Variants in SEMA3A observed in about 807,000 individuals in gnomAD.
SEMA3A encodes the protein semaphorin-3A.
In SEMA3A, 29 loss-of-function variants were observed where a neutral mutation model predicts 97.9. That is an observed-to-expected ratio of 0.30 (90% CI 0.22 to 0.40). The LOEUF is 0.40. SEMA3A is among the 10% of genes least tolerant of loss of function. SEMA3A has a pLI of 1.00. For missense variants in SEMA3A, 763 were observed against 951.3 expected (o/e 0.80, Z 2.60); for synonymous variants, 321 against 323.7 (o/e 0.99, Z 0.09).
Position 83,961,808 on chromosome 7 carries a change from T to A in SEMA3A, c.1879A>T (p.Ile627Phe), listed in dbSNP as rs1427301572. The A allele has an allele frequency of 6.2e-7, 1 of 1,613,380 alleles. No individual in the cohort carries two copies. The highest frequency in any genetic ancestry group is 2.2e-5 in the East Asian group (1 of 44,866). ...RKEEIRVDDHIIRTDQGLLLR... is the reference protein window; with the variant it reads ...RKEEIRVDDHFIRTDQGLLLR... ...AGAAGGCCTTGATCTGTCCTGATGA[T>A]ATGATCATCCACTCTGATCTAGCAG... The change falls in exon 17 of 17, where the codon ATC becomes TTC. Residue 627 changes from isoleucine (I) to phenylalanine (F), a missense_variant. By Grantham distance (21) the Ile-to-Phe change is conservative. Coordinates refer to ENST00000265362, the MANE Select transcript of SEMA3A (RefSeq NM_006080.3).
chr7:84,044,920 T>C (rs1792289582), intron 6 of SEMA3A, among the ~76,000 whole-genome samples: 1 of 152,014 alleles, frequency 6.6e-6, no homozygotes, highest in Non-Finnish European at 1.5e-5. Flanking sequence ...GGGTCAAACG[T>C]GGAGGCAGGG....
At chr7:84,051,436 A>T (rs1386536699) in intron 5 of SEMA3A, among the ~76,000 whole-genome samples, 1 of 152,116 alleles carries the variant, frequency 6.6e-6, no homozygotes, top group Non-Finnish European at 1.5e-5. Context: ...ATCCCTTGTA[A>T]GTTGGATTCC....
chr7:83,995,224 C>T (rs1790162125), intron 12 of SEMA3A, among the ~76,000 whole-genome samples: 1 of 152,138 alleles, frequency 6.6e-6, no homozygotes, highest in South Asian at 2.1e-4. Context: ...TCTGGCACTC[C>T]CTAGTGAGAT....
rs1789969387 is a variant in SEMA3A, at chr7:83,992,044, C to G, written c.1453-6567G>C. ...AGATTCAACTTCTTCCTGGTTTAGT[C>G]TTGGGAGAGTGTATGTGTCGAGGAA... On this transcript the variant is annotated intron_variant, in intron 12 of 16. Transcript: ENST00000265362. Among the ~76,000 whole-genome samples, 3 of 135,914 alleles carry G rather than the reference C, an allele frequency of 2.2e-5. No homozygotes were observed. The South Asian group carries it at 7.7e-4, about 35-fold the overall frequency. 89.2% of individuals were successfully genotyped at this position (135,914 alleles called of 152,430 possible).
chr7:84,258,009 T>C (rs1024189331), intron 3 of SEMA3A, among the ~76,000 whole-genome samples: 2 of 152,172 alleles, frequency 1.3e-5, no homozygotes, highest in African/African-American at 4.8e-5. Context: ...TCATGTGACA[T>C]ATCTAAGACA....
intron 5 of SEMA3A, among the ~76,000 whole-genome samples, chr7:84,057,629 G>T (rs1356025331): frequency 1.3e-5 from 2 of 151,984 alleles, no homozygotes; most frequent in Non-Finnish European, 2.9e-5. Context: ...GCCAGGCCTG[G>T]TGGCACATGC....
chr7:84,230,763 T>C (rs1584148552), intron 3 of SEMA3A, among the ~76,000 whole-genome samples: 1 of 152,034 alleles, frequency 6.6e-6, no homozygotes. Context: ...TACACAGTTA[T>C]CTAATTTAAA....
At chr7:84,105,168 A>C (rs183446955) in intron 4 of SEMA3A, among the ~76,000 whole-genome samples, 2,114 of 152,292 alleles carry the variant, frequency 0.014, 17 homozygotes, top group Non-Finnish European at 0.021. Context: ...TGTTTTCCCA[A>C]GATATCTGAA....
chr7:83,991,501 C>T (rs1440684244), intron 12 of SEMA3A, among the ~76,000 whole-genome samples: 1 of 150,834 alleles, frequency 6.6e-6, no homozygotes, highest in Non-Finnish European at 1.5e-5. Flanking sequence ...CCCATCAATA[C>T]CTAATTTATT....
chr7:84,446,534 G>T (rs1340248273), intron 1 of SEMA3A, among the ~76,000 whole-genome samples: 1 of 152,118 alleles, frequency 6.6e-6, no homozygotes, highest in African/African-American at 2.4e-5. Flanking sequence ...AAATAATCTT[G>T]TAATACACGT....
intron 3 of SEMA3A, among the ~76,000 whole-genome samples, chr7:84,291,558 T>C (rs1800746811): frequency 6.6e-6 from 1 of 152,118 alleles, no homozygotes; most frequent in Admixed American, 6.6e-5. Context: ...AAATAATTTA[T>C]CTCATAAAAC....
intron 2 of SEMA3A, among the ~76,000 whole-genome samples, chr7:84,323,220 G>A (rs1374201824): frequency 6.6e-6 from 1 of 152,088 alleles, no homozygotes; most frequent in Non-Finnish European, 1.5e-5. Context: ...TAAACTAATT[G>A]TGCGTTTTGT....
intron 2 of SEMA3A, among the ~76,000 whole-genome samples, chr7:84,322,074 G>A (rs1801663052): frequency 6.6e-6 from 1 of 151,338 alleles, no homozygotes; most frequent in African/African-American, 2.4e-5. Flanking sequence ...TAGGGGAAAT[G>A]TCAAACACTT....
intron 6 of SEMA3A, among the ~76,000 whole-genome samples, chr7:84,026,467 C>T (rs146293145): frequency 2.3e-3 from 354 of 152,238 alleles, no homozygotes; most frequent in African/African-American, 8.1e-3. Context: ...CTTTGAACTA[C>T]CATGCAACCC....
At chr7:84,178,190 G>T (rs192614782) in intron 1 of SEMA3A, among the ~76,000 whole-genome samples, 159 of 152,140 alleles carry the variant, frequency 1.0e-3, no homozygotes, top group Non-Finnish European at 1.9e-3. Context: ...TACTTGTCTT[G>T]TTCCTTCGAT....
At chr7:83,962,339 G>A (rs1012712620) in intron 16 of SEMA3A, among the ~76,000 whole-genome samples, 1 of 151,986 alleles carries the variant, frequency 6.6e-6, no homozygotes, top group Non-Finnish European at 1.5e-5. Flanking sequence ...GAATATATAT[G>A]AGACCATATT....
chr7:84,372,287 G>A (rs1372337191), intron 1 of SEMA3A: 3 of 152,042 alleles, frequency 2.0e-5, no homozygotes, highest in Non-Finnish European at 4.4e-5. Context: ...ACACTCTGGG[G>A]CTGTGACTCC....
chr7:83,966,184 A>G lies in SEMA3A; in HGVS notation c.1718-2837T>C, dbSNP rs192509348. On this transcript the variant is annotated intron_variant, in intron 15 of 16. Coordinates refer to ENST00000265362, the MANE Select transcript of SEMA3A (RefSeq NM_006080.3). ...GAAAACATGTAAAAATAGTTCTTTC[A>G]ATAGAAAATATTCTTTTATTAAAAA... is the stretch of plus-strand genomic sequence containing the variant. Among the ~76,000 whole-genome samples, 69 of 152,234 alleles carry G rather than the reference A, an allele frequency of 4.5e-4. 1 individual carries two copies. Among genetic ancestry groups the G allele is most frequent in the African/African-American group, 1.7e-3 (69 of 41,536 alleles).
At chr7:84,413,586 C>A (rs1029062180) in intron 1 of SEMA3A, among the ~76,000 whole-genome samples, 9 of 152,090 alleles carry the variant, frequency 5.9e-5, no homozygotes, top group African/African-American at 2.2e-4. Context: ...TGTGATCATG[C>A]CATTGCACGC....
Sources: gnomAD v4.1 joint callset for allele counts (sites outside exome capture counted in the v4.1 genomes callset) on GRCh38, gnomAD v4.1.1 for gene constraint, MANE v1.5 for transcripts, NCBI Gene and HGNC (gene_info 2026-07-23, HGNC 2026-07-21) for gene names.